ADCY2: variants seen among roughly 807,000 people sequenced by gnomAD.
ADCY2 encodes adenylate cyclase 2.
In ADCY2, 31 loss-of-function variants were observed where a neutral mutation model predicts 125.2. The observed-to-expected ratio is 0.25, with a 90% CI of 0.19 to 0.33. The LOEUF is 0.33. Among genes scored for constraint, ADCY2 ranks in the 10% least tolerant of loss-of-function variants. The pLI, the probability that ADCY2 is intolerant of heterozygous loss-of-function variation, is 1.00. For synonymous variants in ADCY2, 512 were observed against 548.4 expected, an observed-to-expected ratio of 0.93 and a Z score of 0.93; for missense variants, 904 against 1,418.2, an observed-to-expected ratio of 0.64 and a Z score of 5.82.
At chr5:7,795,612 A>G (rs1485215091) in intron 20 of ADCY2, 1 of 152,224 alleles carries the variant, frequency 6.6e-6, no homozygotes, top group East Asian at 1.9e-4. Flanking sequence ...CCCGGCATCC[A>G]CCACACTAAT....
At chr5:7,712,937 G>C in intron 11 of ADCY2, 38 bp downstream of exon 11, 1 of 1,436,010 alleles carries the variant, frequency 7.0e-7, no homozygotes, top group Non-Finnish European at 9.8e-7. Flanking sequence ...AAAGCTTATT[G>C]CTCTTTATTC....
intron 20 of ADCY2, chr5:7,795,278 T>C (rs1744385479): frequency 1.3e-5 from 2 of 152,272 alleles, no homozygotes; most frequent in Admixed American, 1.3e-4. Context: ...TAGCTATCTT[T>C]TAAGCAAATA....
At chr5:7,475,881 G>T (rs1742507526) in intron 2 of ADCY2, among the ~76,000 whole-genome samples, 1 of 152,106 alleles carries the variant, frequency 6.6e-6, no homozygotes, top group African/African-American at 2.4e-5. Context: ...GTGGACTTTG[G>T]AACAGCCAAG....
intron 2 of ADCY2, among the ~76,000 whole-genome samples, chr5:7,480,193 A>C (rs1156273364): frequency 6.6e-6 from 1 of 152,162 alleles, no homozygotes; most frequent in Non-Finnish European, 1.5e-5. Flanking sequence ...ACCACTGTGG[A>C]AGACAGTGTG....
chr5:7,659,420 A>G lies in ADCY2; in HGVS notation c.721-31271A>G, dbSNP rs139433776. On this transcript the variant is annotated intron_variant, in intron 4 of 24. Transcript: ENST00000338316. The stretch of plus-strand genomic sequence containing the variant: ...CCCAGATTGCTGTACTGTGTTGGTT[A>G]TTTCATTGTGTTTCACCAGCTTTTG... Among the ~76,000 whole-genome samples, 353 of 152,272 alleles carry G rather than the reference A, an allele frequency of 2.3e-3. 1 individual carries two copies. The highest frequency in any genetic ancestry group is 3.7e-3 in the Non-Finnish European group (253 of 68,016).
At chr5:7,474,109 TA>T (rs1469633953) in intron 2 of ADCY2, among the ~76,000 whole-genome samples, 12 of 152,234 alleles carry the variant, frequency 7.9e-5, no homozygotes, top group Non-Finnish European at 1.8e-4. Flanking sequence ...ATTTGTAAGT[TA>T]TCATGCTTTT....
chr5:7,475,049 G>A (rs1275713042), intron 2 of ADCY2, among the ~76,000 whole-genome samples: 1 of 152,188 alleles, frequency 6.6e-6, no homozygotes, highest in Non-Finnish European at 1.5e-5. Context: ...GACCCAGCAG[G>A]GGGAGTCCTC....
intron 2 of ADCY2, among the ~76,000 whole-genome samples, chr5:7,490,387 G>C (rs992849636): frequency 2.0e-5 from 3 of 152,038 alleles, no homozygotes; most frequent in South Asian, 2.1e-4. Flanking sequence ...CATGACCCCT[G>C]TAGGGTGAAT....
chr5:7,665,558 C>A (rs999504671), intron 4 of ADCY2, among the ~76,000 whole-genome samples: 1 of 152,240 alleles, frequency 6.6e-6, no homozygotes, highest in South Asian at 2.1e-4. Flanking sequence ...CATCATCGTG[C>A]CCCACAAGTA....
At chr5:7,536,443 TC>T (rs1734815398) in intron 3 of ADCY2, among the ~76,000 whole-genome samples, 2 of 151,894 alleles carry the variant, frequency 1.3e-5, no homozygotes, top group South Asian at 4.2e-4. Flanking sequence ...GTCACTGTCA[TC>T]CCCCCCACAT....
At chr5:7,399,827 G>C (rs952072782) in intron 1 of ADCY2, among the ~76,000 whole-genome samples, 41 of 152,276 alleles carry the variant, frequency 2.7e-4, no homozygotes, top group African/African-American at 9.4e-4. Context: ...GCTGGGCATG[G>C]GGAACAAAAT....
intron 3 of ADCY2, among the ~76,000 whole-genome samples, chr5:7,619,748 T>C (rs772861173): frequency 4.6e-5 from 7 of 152,106 alleles, no homozygotes; most frequent in Non-Finnish European, 1.0e-4. Flanking sequence ...CTGCAGAAAA[T>C]AGGGAAGCCA....
chr5:7,593,679 A>G (rs868314394), intron 3 of ADCY2, among the ~76,000 whole-genome samples: 6 of 152,350 alleles, frequency 3.9e-5, no homozygotes, highest in Non-Finnish European at 4.4e-5. Flanking sequence ...TCCATTCAAC[A>G]TAGATTAGCT....
chr5:7,755,824 A>T (rs1481472974), intron 15 of ADCY2, among the ~76,000 whole-genome samples: 5 of 152,252 alleles, frequency 3.3e-5, no homozygotes, highest in Admixed American at 2.0e-4. Context: ...TAGGGCAACA[A>T]TAATTTTAGG....
intron 4 of ADCY2, among the ~76,000 whole-genome samples, chr5:7,677,786 T>A (rs1323989619): frequency 1.3e-5 from 2 of 152,210 alleles, no homozygotes; most frequent in African/African-American, 4.8e-5. Flanking sequence ...TCATTGTTGT[T>A]CCAAACCACT....
intron 6 of ADCY2, 117 bp from the exon 7 acceptor site, chr5:7,698,128 GCT>G (rs947275706): frequency 1.6e-6 from 2 of 1,244,792 alleles, no homozygotes; most frequent in Non-Finnish European, 2.3e-6. Context: ...GGTTCTCATT[GCT>G]CTCTCCAGAT....
chr5:7,822,081 GAAGA>G, intron 24 of ADCY2, among the ~76,000 whole-genome samples: 1 of 152,280 alleles, frequency 6.6e-6, no homozygotes, highest in Non-Finnish European at 1.5e-5. Context: ...CCAGTATTCG[GAAGA>G]AAGAAGGGGA....
chr5:7,398,492 A>G (rs185284001), intron 1 of ADCY2, among the ~76,000 whole-genome samples: 1 of 152,290 alleles, frequency 6.6e-6, no homozygotes, highest in African/African-American at 2.4e-5. Context: ...TCCTTGATAA[A>G]TCAATCATTT....
chr5:7,617,200 T>C (rs1737795220), intron 3 of ADCY2, among the ~76,000 whole-genome samples: 1 of 152,138 alleles, frequency 6.6e-6, no homozygotes, highest in African/African-American at 2.4e-5. Flanking sequence ...CTTCCTGGAA[T>C]GAGAACTGCC....
Sources: gnomAD v4.1 joint callset for allele counts (sites outside exome capture counted in the v4.1 genomes callset) on GRCh38, gnomAD v4.1.1 for gene constraint, MANE v1.5 for transcripts, NCBI Gene and HGNC (gene_info 2026-07-23, HGNC 2026-07-21) for gene names.